AFAP1: variants seen among roughly 807,000 people sequenced by gnomAD.
The protein encoded by AFAP1 is actin filament associated protein 1, also known as actin filament-associated protein 1.
Under a neutral mutation model 93.9 loss-of-function variants are expected in AFAP1, and 75 were observed. That is an observed-to-expected ratio of 0.80 (90% confidence interval 0.66 to 0.97). AFAP1 has a LOEUF of 0.97. Among genes scored for constraint, AFAP1 ranks in the 50% least tolerant of loss-of-function variants. AFAP1 has a pLI of 0.00. For synonymous variants in AFAP1, 517 were observed against 430.7 expected (o/e 1.20, Z -2.48); for missense variants, 1,201 against 1,050.8 (o/e 1.14, Z -1.98).
intron 16 of AFAP1, among the ~76,000 whole-genome samples, chr4:7,771,861 G>C (rs1011643466): frequency 6.6e-6 from 1 of 152,168 alleles, no homozygotes; most frequent in Admixed American, 6.5e-5. Context: ...CTGGGGCAGG[G>C]ATGGGGGGAT....
chr4:7,860,475 A>G (rs1301013358), intron 3 of AFAP1, among the ~76,000 whole-genome samples: 1 of 152,132 alleles, frequency 6.6e-6, no homozygotes, highest in Admixed American at 6.6e-5. Flanking sequence ...TGTACTGACC[A>G]CTTGCCTACA....
intron 6 of AFAP1, among the ~76,000 whole-genome samples, chr4:7,833,611 T>C (rs1336514203): frequency 7.7e-6 from 1 of 130,128 alleles, no homozygotes; most frequent in Non-Finnish European, 1.6e-5. Context: ...TTTTTTTAGA[T>C]GGAGTCTTGC....
intron 1 of AFAP1, among the ~76,000 whole-genome samples, chr4:7,919,413 T>C (rs879493350): frequency 6.6e-6 from 1 of 152,218 alleles, no homozygotes; most frequent in African/African-American, 2.4e-5. Context: ...TGGTGTGTGA[T>C]GTGTCATTTT....
chr4:7,827,008 TAA>T (rs1024367134), intron 6 of AFAP1, among the ~76,000 whole-genome samples: 6 of 151,658 alleles, frequency 4.0e-5, no homozygotes, highest in African/African-American at 1.5e-4. Context: ...GCAGGCGACA[TAA>T]AGAGATGGAG....
Position 7,786,312 on chromosome 4 carries a change from C to G in AFAP1, c.1413-1G>C, listed in dbSNP as rs1457677617. On this transcript the variant is annotated splice_acceptor_variant, in intron 11 of 17. Coordinates refer to ENST00000420658, the MANE Select transcript of AFAP1 (RefSeq NM_001134647.2). LOFTEE classifies it high-confidence loss of function. ...AGATATAACACGCCTGTTCATGAAACTGAAAGAAAGGAAATGCGTTAAAAT... is the reference window on the plus strand; with the variant it reads ...AGATATAACACGCCTGTTCATGAAAGTGAAAGAAAGGAAATGCGTTAAAAT... The G allele has an allele frequency of 1.2e-6, 2 of 1,611,736 alleles. No individual in the cohort carries two copies. The highest frequency in any genetic ancestry group is 1.7e-6 in the Non-Finnish European group (2 of 1,177,946).
intron 1 of AFAP1, among the ~76,000 whole-genome samples, chr4:7,932,118 A>G (rs1257581772): frequency 6.6e-6 from 1 of 152,126 alleles, no homozygotes; most frequent in Non-Finnish European, 1.5e-5. Context: ...TAGGCCTCCC[A>G]AAGTCTTGGA....
intron 16 of AFAP1, among the ~76,000 whole-genome samples, chr4:7,770,962 G>A (rs371011877): frequency 6.6e-6 from 1 of 152,162 alleles, no homozygotes. Context: ...CACTGCACCT[G>A]ACCCCACCAT....
chr4:7,895,470 G>A (rs1007325017), intron 1 of AFAP1, among the ~76,000 whole-genome samples: 6 of 152,134 alleles, frequency 3.9e-5, no homozygotes, highest in African/African-American at 1.4e-4. Flanking sequence ...AAGATAATCT[G>A]TAACTTTGTC....
chr4:7,811,483 C>A (rs1049670666), intron 8 of AFAP1, among the ~76,000 whole-genome samples: 1 of 149,536 alleles, frequency 6.7e-6, no homozygotes, highest in Admixed American at 6.7e-5. Flanking sequence ...CCTCTCTCTG[C>A]TGGGGAGCGG....
intron 10 of AFAP1, among the ~76,000 whole-genome samples, chr4:7,797,339 T>G (rs571533389): frequency 6.6e-6 from 1 of 152,124 alleles, no homozygotes; most frequent in Non-Finnish European, 1.5e-5. Flanking sequence ...ACATGAGACT[T>G]AGAGGGGAAA....
In AFAP1 at chr4:7,798,269, C is replaced by T. The variant is rs1440425899; in HGVS notation, c.1266+2173G>A. On this transcript the variant is annotated intron_variant, in intron 10 of 17. Transcript: ENST00000420658. ...CAACTCTATTGGCTGGCTCACGGCA[C>T]TGCAACTCTACTGGCTGGCTCACGG... 5.2e-5 allele frequency among the ~76,000 whole-genome samples: 7 copies of T among 133,588 alleles called. 1 individual carries two copies. Among genetic ancestry groups the T allele is most frequent in the Non-Finnish European group, 9.5e-5 (6 of 63,492 alleles). The allele number at this position is 133,588 out of a possible 152,430, so 87.6% of individuals were successfully genotyped here. A position where few individuals can be genotyped will look rare whatever the true frequency, so the allele number is the denominator to read the frequency against.
intron 1 of AFAP1, among the ~76,000 whole-genome samples, chr4:7,924,267 C>A (rs943685807): frequency 1.3e-5 from 2 of 152,212 alleles, no homozygotes; most frequent in African/African-American, 2.4e-5. Context: ...CTTCCATTCA[C>A]AAATTCCACA....
chr4:7,778,977 T>G (rs923964677), intron 13 of AFAP1, 101 bp from the exon 14 acceptor site: 2 of 897,856 alleles, frequency 2.2e-6, no homozygotes, highest in South Asian at 1.7e-5. Flanking sequence ...CTCTAAGTAT[T>G]GTAGAAACTG....
chr4:7,935,827 T>C (rs1721346682), intron 1 of AFAP1, among the ~76,000 whole-genome samples: 1 of 152,204 alleles, frequency 6.6e-6, no homozygotes, highest in South Asian at 2.1e-4. Context: ...CTCAAAAATA[T>C]ATCCTCTGTG....
At chr4:7,931,375 T>C (rs773567519) in intron 1 of AFAP1, among the ~76,000 whole-genome samples, 1 of 152,070 alleles carries the variant, frequency 6.6e-6, no homozygotes, top group African/African-American at 2.4e-5. Flanking sequence ...AAGAATAGTA[T>C]ATTAAGTGAT....
At chr4:7,891,701 G>C (rs182858526) in intron 1 of AFAP1, among the ~76,000 whole-genome samples, 1 of 143,702 alleles carries the variant, frequency 7.0e-6, no homozygotes, top group African/African-American at 2.6e-5. Flanking sequence ...AAAAAACAAA[G>C]GGGAAAGAAA....
chr4:7,879,829 CTAA>C (rs2149195006), intron 1 of AFAP1, among the ~76,000 whole-genome samples: 1 of 151,670 alleles, frequency 6.6e-6, no homozygotes, highest in East Asian at 2.0e-4. Context: ...CGACGCCCAA[CTAA>C]TTTTTTAAAT....
chr4:7,811,809 C>T (rs1369768375), intron 8 of AFAP1, among the ~76,000 whole-genome samples: 2 of 152,134 alleles, frequency 1.3e-5, no homozygotes, highest in Non-Finnish European at 2.9e-5. Context: ...GTTTCAGCCA[C>T]GCAGTCTGTG....
intron 1 of AFAP1, among the ~76,000 whole-genome samples, chr4:7,907,483 T>G (rs1051326090): frequency 6.6e-6 from 1 of 152,162 alleles, no homozygotes; most frequent in Non-Finnish European, 1.5e-5. Flanking sequence ...GATCTAAAGC[T>G]GAGATTATGG....
Sources: gnomAD v4.1 joint callset for allele counts (sites outside exome capture counted in the v4.1 genomes callset) on GRCh38, gnomAD v4.1.1 for gene constraint, MANE v1.5 for transcripts, NCBI Gene and HGNC (gene_info 2026-07-23, HGNC 2026-07-21) for gene names.